The following MAST2 variants were observed in gnomAD, a reference collection of about 807,000 sequenced individuals.
MAST2 encodes the protein microtubule associated serine/threonine kinase 2.
In MAST2, 70 loss-of-function variants were observed where a neutral mutation model predicts 147.4. The observed-to-expected ratio is 0.47, with a 90% CI of 0.39 to 0.58. The LOEUF (loss-of-function observed/expected upper bound fraction) is 0.58, where lower values mean the gene tolerates loss of function less well. MAST2 is among the 20% of genes least tolerant of loss of function. The pLI is 0.00. For synonymous variants in MAST2, 869 were observed against 896.8 expected (o/e 0.97, Z 0.55); for missense variants, 2,080 against 2,302.3 (o/e 0.90, Z 1.98).
At chr1:46,005,294 G>A (rs545159013) in intron 7 of MAST2, among the ~76,000 whole-genome samples, 7 of 152,032 alleles carry the variant, frequency 4.6e-5, no homozygotes, top group South Asian at 2.1e-4. Flanking sequence ...CCTGGGAGGC[G>A]GAGGTTGCAG....
intron 3 of MAST2, among the ~76,000 whole-genome samples, chr1:45,833,870 T>C (rs1456585257): frequency 6.8e-6 from 1 of 147,104 alleles, no homozygotes; most frequent in East Asian, 1.9e-4. Context: ...TCTCTTGTGC[T>C]TTTTTTTTTT....
At chr1:45,839,129 A>ATTTTTT (rs370950575) in intron 3 of MAST2, among the ~76,000 whole-genome samples, 1 of 127,608 alleles carries the variant, frequency 7.8e-6, no homozygotes, top group Non-Finnish European at 1.6e-5. Context: ...ACCATCACAA[A>ATTTTTT]TTTTTTTTTT....
At chr1:45,856,788 T>G (rs1238949714) in intron 3 of MAST2, among the ~76,000 whole-genome samples, 1 of 137,606 alleles carries the variant, frequency 7.3e-6, no homozygotes, top group East Asian at 2.1e-4. Context: ...TTTAGATCTG[T>G]TTTTTTTTTT....
Position 46,031,708 on chromosome 1 carries a change from T to C in MAST2, c.3187+123T>C. The C allele has an allele frequency of 2.0e-6, 2 of 978,508 alleles. No homozygotes were observed. Among genetic ancestry groups the C allele is most frequent in the Non-Finnish European group, 3.0e-6 (2 of 671,426 alleles). The allele number at this position is 978,508 out of a possible 1,614,324, so 60.6% of individuals were successfully genotyped here. ...GTTAAGCACAGATCTGACTGTGGTC[T>C]CTGAAGGTGTGTATTGGTGTCTGGG... On this transcript the variant is annotated intron_variant, in intron 24 of 28. Coordinates refer to ENST00000361297, the MANE Select transcript of MAST2 (RefSeq NM_015112.3). This position sits in a 1 kb window ranked among gnomAD's most constrained non-coding sequence, Gnocchi z 4.1.
chr1:45,985,365 A>T (rs1274280606), intron 5 of MAST2, among the ~76,000 whole-genome samples: 1 of 152,052 alleles, frequency 6.6e-6, no homozygotes, highest in Admixed American at 6.6e-5. Flanking sequence ...AAGTGCTGGG[A>T]TTACAGGCGT....
At chr1:45,930,384 T>G (rs1655083937) in intron 4 of MAST2, among the ~76,000 whole-genome samples, 1 of 103,140 alleles carries the variant, frequency 9.7e-6, no homozygotes, top group African/African-American at 3.9e-5. Flanking sequence ...TGGCCTGTTT[T>G]TTGTTTTTTT....
intron 1 of MAST2, among the ~76,000 whole-genome samples, chr1:45,812,795 G>A (rs1489790616): frequency 1.3e-5 from 2 of 152,136 alleles, no homozygotes; most frequent in African/African-American, 4.8e-5. Context: ...AACTTAACAT[G>A]TCCAAAAATG....
chr1:45,977,892 A>G (rs1025428639), intron 5 of MAST2, among the ~76,000 whole-genome samples: 2 of 152,124 alleles, frequency 1.3e-5, no homozygotes, highest in African/African-American at 2.4e-5. Flanking sequence ...TGTGACACAT[A>G]AAAGTAACAA....
At chr1:45,942,263 A>G (rs1178413409) in intron 4 of MAST2, among the ~76,000 whole-genome samples, 1 of 152,176 alleles carries the variant, frequency 6.6e-6, no homozygotes, top group Non-Finnish European at 1.5e-5. Flanking sequence ...TTGAATCAAA[A>G]TTACAGTAAT....
At chr1:45,865,074 G>A (rs772597739) in intron 3 of MAST2, 1 of 456,164 alleles carries the variant, frequency 2.2e-6, no homozygotes, top group South Asian at 1.5e-5. Context: ...TGTCTGGGGA[G>A]TGGCTTTTTT....
At chr1:45,823,614 G>A (rs1644703487) in intron 1 of MAST2, among the ~76,000 whole-genome samples, 1 of 152,126 alleles carries the variant, frequency 6.6e-6, no homozygotes, top group Admixed American at 6.6e-5. Context: ...GATTACAGGT[G>A]TGAGCTACTG....
chr1:45,957,172 C>T (rs1252700106), intron 4 of MAST2, among the ~76,000 whole-genome samples: 2 of 152,192 alleles, frequency 1.3e-5, no homozygotes, highest in Non-Finnish European at 2.9e-5. Flanking sequence ...ACAACATACT[C>T]TTTTTTGTCT....
intron 4 of MAST2, among the ~76,000 whole-genome samples, chr1:45,954,232 G>A (rs188577739): frequency 6.6e-6 from 1 of 152,208 alleles, no homozygotes; most frequent in African/African-American, 2.4e-5. Flanking sequence ...GCTTCACAGT[G>A]GGAAGCAGGC....
At chr1:45,915,025 G>T (rs1652251351) in intron 4 of MAST2, among the ~76,000 whole-genome samples, 1 of 152,112 alleles carries the variant, frequency 6.6e-6, no homozygotes, top group African/African-American at 2.4e-5. Flanking sequence ...ACTAAACCTT[G>T]ACCTCCTGGG....
At chr1:45,967,710 G>T (rs987659784) in intron 5 of MAST2, among the ~76,000 whole-genome samples, 21 of 152,118 alleles carry the variant, frequency 1.4e-4, no homozygotes, top group African/African-American at 4.6e-4. Flanking sequence ...TGCAGGAGTG[G>T]CAGGCATACA....
At chr1:45,806,764 AT>A (rs939172046) in intron 1 of MAST2, among the ~76,000 whole-genome samples, 6 of 152,062 alleles carry the variant, frequency 3.9e-5, no homozygotes, top group Non-Finnish European at 8.8e-5. Context: ...TTTAGTGGAG[AT>A]GGGGTTTCAC....
chr1:45,869,193 C>G (rs1284453756), intron 3 of MAST2, among the ~76,000 whole-genome samples: 1 of 152,130 alleles, frequency 6.6e-6, no homozygotes, highest in Non-Finnish European at 1.5e-5. Flanking sequence ...GCAGTTAAAA[C>G]CTGAGTACCT....
At chr1:45,936,617 CTG>C (rs1205492225) in intron 4 of MAST2, among the ~76,000 whole-genome samples, 1 of 152,144 alleles carries the variant, frequency 6.6e-6, no homozygotes, top group Non-Finnish European at 1.5e-5. Flanking sequence ...CACCAGCCTT[CTG>C]TGTGTATGCC....
intron 3 of MAST2, among the ~76,000 whole-genome samples, chr1:45,877,249 T>A (rs1238886336): frequency 3.3e-5 from 5 of 152,154 alleles, no homozygotes; most frequent in African/African-American, 1.2e-4. Flanking sequence ...TGAAGCCTCT[T>A]TTTTTTCTTT....
Sources: gnomAD v4.1 joint callset for allele counts (sites outside exome capture counted in the v4.1 genomes callset) on GRCh38, gnomAD v4.1.1 for gene constraint, Gnocchi (gnomAD v3.1) non-coding constraint, MANE v1.5 for transcripts, NCBI Gene and HGNC (gene_info 2026-07-23, HGNC 2026-07-21) for gene names.